Variants in MEGF10 observed in about 807,000 individuals in gnomAD.
The protein encoded by MEGF10 is multiple epidermal growth factor-like domains protein 10.
A neutral mutation model predicts 147.5 loss-of-function variants in MEGF10; 86 were observed. The observed-to-expected ratio is 0.58, with a 90% CI of 0.49 to 0.70. MEGF10 has a LOEUF of 0.70. Among genes scored for constraint, MEGF10 ranks in the 30% least tolerant of loss-of-function variants. The pLI is 0.00. For synonymous variants in MEGF10, 478 were observed against 525.5 expected (o/e 0.91, Z 1.24); for missense variants, 1,329 against 1,487.3 (o/e 0.89, Z 1.75).
intron 9 of MEGF10, among the ~76,000 whole-genome samples, chr5:127,411,512 T>C (rs1764560632): frequency 6.6e-6 from 1 of 152,340 alleles, no homozygotes; most frequent in Non-Finnish European, 1.5e-5. Context: ...GTCTCTTCTT[T>C]AAACCATTGT....
the MEGF10 span, among the ~76,000 whole-genome samples, chr5:127,262,777 C>T: frequency 0.016 from 2,506 of 152,244 alleles, 57 homozygotes; most frequent in East Asian, 0.086. Context: ...ATATTTCTGC[C>T]TTCTACACTT....
the MEGF10 span, among the ~76,000 whole-genome samples, chr5:127,265,177 T>C: frequency 6.6e-6 from 1 of 152,186 alleles, no homozygotes. Flanking sequence ...GTTTGGTTTT[T>C]TGTTCTTGAG....
intron 10 of MEGF10, among the ~76,000 whole-genome samples, 189 bp downstream of exon 10, chr5:127,418,001 C>A (rs1428045450): frequency 6.6e-6 from 1 of 152,058 alleles, no homozygotes; most frequent in Non-Finnish European, 1.5e-5. Flanking sequence ...ATAATGACTG[C>A]GAAAACTGGT....
chr5:127,245,002 A>G, the MEGF10 span, among the ~76,000 whole-genome samples: 5 of 152,210 alleles, frequency 3.3e-5, no homozygotes, highest in Non-Finnish European at 7.3e-5. Context: ...GATGGGAAGA[A>G]TCAATATTGT....
chr5:127,362,393 G>T (rs1400993612), intron 4 of MEGF10, among the ~76,000 whole-genome samples: 1 of 145,498 alleles, frequency 6.9e-6, no homozygotes, highest in African/African-American at 2.6e-5. Context: ...TTTTTGAGAC[G>T]GAGTCTTGCT....
chr5:127,385,345 C>A (rs1389085832), intron 5 of MEGF10, among the ~76,000 whole-genome samples: 1 of 151,900 alleles, frequency 6.6e-6, no homozygotes, highest in Non-Finnish European at 1.5e-5. Flanking sequence ...GTTGCCTAGG[C>A]TGGAATGCAG....
chr5:127,298,396 T>G (rs1759608770), intron 1 of MEGF10, among the ~76,000 whole-genome samples: 2 of 152,306 alleles, frequency 1.3e-5, no homozygotes, highest in Admixed American at 1.3e-4. Flanking sequence ...CCTTCCAGTA[T>G]CCTCCCTGCT....
chr5:127,329,080 T>C (rs1761151368), intron 1 of MEGF10, among the ~76,000 whole-genome samples: 1 of 152,166 alleles, frequency 6.6e-6, no homozygotes. Flanking sequence ...GGAAATGTTA[T>C]CTGTTATTGT....
intron 4 of MEGF10, among the ~76,000 whole-genome samples, chr5:127,362,860 C>T (rs1467778159): frequency 6.6e-6 from 1 of 151,940 alleles, no homozygotes; most frequent in Non-Finnish European, 1.5e-5. Context: ...CTCTTTTATA[C>T]TTTTACTTTA....
chr5:127,342,999 C>T (rs185787973), intron 4 of MEGF10, among the ~76,000 whole-genome samples: 54 of 152,004 alleles, frequency 3.6e-4, no homozygotes, highest in Admixed American at 2.8e-3. Flanking sequence ...ACAATTGTTA[C>T]GCTTCTTTGT....
chr5:127,265,952 T>C, the MEGF10 span, among the ~76,000 whole-genome samples: 3 of 152,218 alleles, frequency 2.0e-5, no homozygotes, highest in East Asian at 1.9e-4. Context: ...ATTTTGGCTT[T>C]TGTTGCCATT....
intron 8 of MEGF10, among the ~76,000 whole-genome samples, chr5:127,403,546 A>G (rs1410472504): frequency 1.3e-5 from 2 of 151,790 alleles, no homozygotes; most frequent in Non-Finnish European, 1.5e-5. Flanking sequence ...ATTCTTTCTA[A>G]TTTTTTTTGT....
rs1157946902 is a variant in MEGF10 at position 127,435,383 on chromosome 5, G to T, written c.1998G>T (p.Gly666=). 1.2e-6 allele frequency: 2 copies of T among 1,613,966 alleles called. No homozygotes were observed. Among genetic ancestry groups the T allele is most frequent in the Non-Finnish European group, 1.7e-6 (2 of 1,179,998 alleles). ...CAGTGTGTCCCAGTGGCAGATTTGGGAAAAACTGTGCAGGAATTTGTACCT... is the reference window on the plus strand; with the variant it reads ...CAGTGTGTCCCAGTGGCAGATTTGGTAAAAACTGTGCAGGAATTTGTACCT... The part of the protein sequence containing the change: ...CNEVCPSGRF[G]KNCAGICTCT... Residue 666 remains glycine (G), a synonymous_variant, in exon 16 of 25, where the codon GGG becomes GGT. Transcript: ENST00000503335.
At chr5:127,246,685 T>C in the MEGF10 span, among the ~76,000 whole-genome samples, 3 of 149,644 alleles carry the variant, frequency 2.0e-5, no homozygotes, top group South Asian at 2.1e-4. Context: ...CTAAGTGAAA[T>C]TTACAACAAT....
intron 2 of MEGF10, among the ~76,000 whole-genome samples, chr5:127,334,241 A>C (rs1761381187): frequency 6.6e-6 from 1 of 152,150 alleles, no homozygotes; most frequent in African/African-American, 2.4e-5. Flanking sequence ...GCTCATTTTA[A>C]GCTCTTCTTA....
intron 1 of MEGF10, among the ~76,000 whole-genome samples, chr5:127,316,743 A>C (rs537835111): frequency 6.6e-6 from 1 of 152,314 alleles, no homozygotes; most frequent in East Asian, 1.9e-4. Flanking sequence ...ACAGTGTACC[A>C]TTCTGACATT....
At chr5:127,300,763 C>T (rs1159930707) in intron 1 of MEGF10, among the ~76,000 whole-genome samples, 1 of 152,184 alleles carries the variant, frequency 6.6e-6, no homozygotes, top group East Asian at 1.9e-4. Context: ...CATCAATTCA[C>T]CCTTACTTCT....
intron 4 of MEGF10, among the ~76,000 whole-genome samples, chr5:127,363,158 A>G (rs558338955): frequency 6.6e-5 from 10 of 152,318 alleles, no homozygotes; most frequent in South Asian, 4.1e-4. Context: ...TCTCCTCCTT[A>G]TATAGATGGG....
intron 8 of MEGF10, among the ~76,000 whole-genome samples, chr5:127,405,472 A>G (rs934011103): frequency 6.6e-6 from 1 of 152,152 alleles, no homozygotes; most frequent in Non-Finnish European, 1.5e-5. Context: ...TAATTTATTC[A>G]TACTACCAAA....
Sources: gnomAD v4.1 joint callset for allele counts (sites outside exome capture counted in the v4.1 genomes callset) on GRCh38, gnomAD v4.1.1 for gene constraint, MANE v1.5 for transcripts, NCBI Gene and HGNC (gene_info 2026-07-23, HGNC 2026-07-21) for gene names.